Variants in PCDHGB3 observed in about 807,000 individuals in gnomAD.
PCDHGB3 encodes protocadherin gamma subfamily B, 3, also known as protocadherin gamma-B3.
In PCDHGB3, 40 loss-of-function variants were observed where a neutral mutation model predicts 59.2. The observed-to-expected ratio is 0.68, with a 90% CI of 0.52 to 0.88. The LOEUF (loss-of-function observed/expected upper bound fraction) is 0.88, where lower values mean the gene tolerates loss of function less well. Among genes scored for constraint, PCDHGB3 ranks in the 40% least tolerant of loss-of-function variants. The probability of loss-of-function intolerance (pLI) is 0.00; values close to 1 mark genes in which losing one functional copy is unlikely to be tolerated. For synonymous variants in PCDHGB3, 581 were observed against 503.6 expected (o/e 1.15, Z -2.06); for missense variants, 1,309 against 1,187.9 (o/e 1.10, Z -1.50).
chr5:141,399,336 T>C, intron 1 of PCDHGB3: 2 of 1,613,976 alleles, frequency 1.2e-6, no homozygotes, highest in Non-Finnish European at 1.7e-6. Context: ...TGGTAACAGA[T>C]GGAACCCTAG....
chr5:141,483,166 A>G (rs1288499520), intron 1 of PCDHGB3, among the ~76,000 whole-genome samples: 1 of 152,138 alleles, frequency 6.6e-6, no homozygotes, highest in Non-Finnish European at 1.5e-5. Flanking sequence ...ATCCTGAGTT[A>G]CCTTTGGGCC....
intron 1 of PCDHGB3, chr5:141,428,860 CT>C (rs34152666): frequency 0.3 from 42,955 of 145,250 alleles, 7,185 homozygotes; most frequent in African/African-American, 0.5. Flanking sequence ...TTACGGGAGA[CT>C]TTTTTTTTTT....
intron 1 of PCDHGB3, among the ~76,000 whole-genome samples, chr5:141,470,714 T>C (rs1416956410): frequency 1.3e-5 from 2 of 152,152 alleles, no homozygotes; most frequent in Non-Finnish European, 2.9e-5. Context: ...TTTTATTTTT[T>C]TGAGTCAGGG....
chr5:141,420,840 TC>T (rs1453160032), intron 1 of PCDHGB3, among the ~76,000 whole-genome samples: 1 of 152,250 alleles, frequency 6.6e-6, no homozygotes, highest in Admixed American at 6.5e-5. Flanking sequence ...TCGCAGGTGT[TC>T]TTGGTAAAGT....
intron 1 of PCDHGB3, chr5:141,414,961 G>T: frequency 6.2e-7 from 1 of 1,614,028 alleles, no homozygotes; most frequent in South Asian, 1.1e-5. Flanking sequence ...GACCAAGGTG[G>T]TGGCGGTGGA....
chr5:141,494,688 A>T (rs2099756168), intron 1 of PCDHGB3, 119 bp from the exon 2 acceptor site: 1 of 1,576,254 alleles, frequency 6.3e-7, no homozygotes, highest in Non-Finnish European at 8.6e-7. Context: ...GCCCCCTCTT[A>T]GTCCGTTTTC....
intron 1 of PCDHGB3, among the ~76,000 whole-genome samples, chr5:141,475,380 T>A (rs2099362720): frequency 6.6e-6 from 1 of 152,244 alleles, no homozygotes; most frequent in South Asian, 2.1e-4. Flanking sequence ...TACTTTTAAA[T>A]TTTATAAGCC....
rs140779776 is a variant in PCDHGB3 at position 141,412,904 on chromosome 5, C to T, written c.2415+40095C>T. On this transcript the variant is annotated intron_variant, in intron 1 of 3. Transcript: ENST00000576222. ...CAACAGAATAGTTTACTTTCCATTG[C>T]ATGTATCACTTGGGTGCAGTAACTT... The T allele has an allele frequency of 4.0e-4, 150 of 378,712 alleles. 3 individuals carry two copies. In the East Asian group the frequency reaches 6.1e-3, roughly 15 times the overall value. 23.5% of individuals were successfully genotyped at this position (378,712 alleles called of 1,614,324 possible).
At chr5:141,388,290 A>T (rs1299323228) in intron 1 of PCDHGB3, 1 of 1,613,388 alleles carries the variant, frequency 6.2e-7, no homozygotes, top group Non-Finnish European at 8.5e-7. Flanking sequence ...ATTCACGCAA[A>T]ATTCCTTTGA....
rs767108870 is a variant in PCDHGB3 at position 141,485,169 on chromosome 5, C to T, written c.2416-9638C>T. On this transcript the variant is annotated intron_variant, in intron 1 of 3. Transcript: ENST00000576222. This position sits in a 1 kb window ranked among gnomAD's most constrained non-coding sequence, Gnocchi z 5.7. ...GAGCAAGTAGAGAATTAGCGGGCGG[C>T]AGCAATGCTCCGCAAGGTGAGAAGC... The T allele has an allele frequency of 6.2e-7, 1 of 1,608,524 alleles. No homozygotes were observed. Among genetic ancestry groups the T allele is most frequent in the South Asian group, 1.1e-5 (1 of 90,730 alleles).
At chr5:141,474,212 C>T (rs892802269) in intron 1 of PCDHGB3, among the ~76,000 whole-genome samples, 5 of 152,078 alleles carry the variant, frequency 3.3e-5, no homozygotes, top group African/African-American at 1.2e-4. Flanking sequence ...TTTCAAAAAC[C>T]AGATTGTGAA....
chr5:141,459,510 T>G (rs1449866159), intron 1 of PCDHGB3, among the ~76,000 whole-genome samples: 1 of 152,252 alleles, frequency 6.6e-6, no homozygotes, highest in Non-Finnish European at 1.5e-5. Context: ...TGAACAATCA[T>G]GTACAAGTAT....
In PCDHGB3 at chr5:141,485,735, G is replaced by A; in HGVS notation, c.2416-9072G>A. 6.2e-7 allele frequency: 1 copy of A among 1,614,166 alleles called. No homozygotes were observed. The highest frequency in any genetic ancestry group is 8.5e-7 in the Non-Finnish European group (1 of 1,180,036). On this transcript the variant is annotated intron_variant, in intron 1 of 3. Coordinates refer to ENST00000576222, the MANE Select transcript of PCDHGB3 (RefSeq NM_018924.5). The surrounding 1 kb of genome is among the most constrained non-coding windows in gnomAD (Gnocchi z 5.7). Reference sequence around the variant, plus strand: ...ACTGGATGTGAAGAAGCGCAGCGACGGCAGCCTGGTCCCAGAGCTGCTCCT... The same window carrying A: ...ACTGGATGTGAAGAAGCGCAGCGACAGCAGCCTGGTCCCAGAGCTGCTCCT...
intron 1 of PCDHGB3, among the ~76,000 whole-genome samples, chr5:141,474,116 A>G (rs2099342954): frequency 1.3e-5 from 2 of 152,234 alleles, no homozygotes; most frequent in African/African-American, 4.8e-5. Flanking sequence ...AACAACAACG[A>G]AAATCTCAGA....
chr5:141,401,564 C>A (rs2094168610), intron 1 of PCDHGB3, among the ~76,000 whole-genome samples: 1 of 152,204 alleles, frequency 6.6e-6, no homozygotes, highest in African/African-American at 2.4e-5. Flanking sequence ...GCCTGAATTT[C>A]TCTTGCTCGG....
intron 1 of PCDHGB3, among the ~76,000 whole-genome samples, chr5:141,397,615 C>A (rs2093545668): frequency 6.6e-6 from 1 of 152,144 alleles, no homozygotes; most frequent in Admixed American, 6.5e-5. Context: ...AAGGGCAATA[C>A]TTAGTTCTAG....
intron 1 of PCDHGB3, among the ~76,000 whole-genome samples, chr5:141,444,646 G>T (rs1023259048): frequency 1.3e-5 from 2 of 152,098 alleles, no homozygotes; most frequent in Non-Finnish European, 2.9e-5. Flanking sequence ...TGAGGTAGGG[G>T]TTGAAGTTAT....
At position 141,398,847 on chromosome 5, in the gene PCDHGB3, G is replaced by C. The variant is rs773663002; in HGVS notation, c.2415+26038G>C. ...TAACCGACGCCAATGATAATCCCCC[G>C]GTATTCAACCGAGACGTGTACAGAG... On this transcript the variant is annotated intron_variant, in intron 1 of 3. Coordinates refer to ENST00000576222, the MANE Select transcript of PCDHGB3 (RefSeq NM_018924.5). The C allele has an allele frequency of 3.8e-5, 62 of 1,613,758 alleles. 1 individual carries two copies. In the Admixed American group the frequency reaches 1.0e-3, roughly 27 times the overall value.
At chr5:141,399,080 G>A (rs1385144710) in intron 1 of PCDHGB3, 2 of 1,613,696 alleles carry the variant, frequency 1.2e-6, no homozygotes, top group Non-Finnish European at 1.7e-6. Flanking sequence ...GTAGAAGGGA[G>A]GGATGGTGGT....
Sources: allele counts gnomAD v4.1 joint callset (sites outside exome capture counted in the v4.1 genomes callset), GRCh38; gene constraint gnomAD v4.1.1; non-coding constraint Gnocchi (gnomAD v3.1); transcripts MANE v1.5; gene names NCBI Gene and HGNC (gene_info 2026-07-23, HGNC 2026-07-21).